The following SLC13A1 variants were observed in gnomAD, a reference collection of about 807,000 sequenced individuals.
SLC13A1 encodes Na(+)/sulfate cotransporter.
Under a neutral mutation model 70.0 loss-of-function variants are expected in SLC13A1, and 65 were observed. That is an observed-to-expected ratio of 0.93 (90% CI 0.76 to 1.14). The LOEUF is 1.14. SLC13A1 is among the 50% of genes most tolerant of loss of function. The pLI, the probability that SLC13A1 is intolerant of heterozygous loss-of-function variation, is 0.00. For missense variants in SLC13A1, 726 were observed against 717.8 expected (o/e 1.01, Z -0.13); for synonymous variants, 275 against 250.5 (o/e 1.10, Z -0.92).
At chr7:123,170,621 T>TC (rs1419849031) in intron 3 of SLC13A1, among the ~76,000 whole-genome samples, 2 of 127,628 alleles carry the variant, frequency 1.6e-5, no homozygotes, top group Admixed American at 7.3e-5. Flanking sequence ...GTTTTGGTTT[T>TC]TTTTGTTTGT....
intron 1 of SLC13A1, among the ~76,000 whole-genome samples, chr7:123,189,294 T>C (rs1031830477): frequency 3.9e-5 from 6 of 152,064 alleles, no homozygotes; most frequent in South Asian, 2.1e-4. Context: ...AGCTCATTTT[T>C]GCCTAGTAAT....
intron 6 of SLC13A1, among the ~76,000 whole-genome samples, chr7:123,165,183 C>G (rs1006902690): frequency 6.6e-6 from 1 of 151,760 alleles, no homozygotes. Context: ...TGTTAAAAAT[C>G]AAAACATATC....
chr7:123,128,320 G>A (rs1003837204), intron 10 of SLC13A1, among the ~76,000 whole-genome samples: 5 of 152,076 alleles, frequency 3.3e-5, no homozygotes, highest in African/African-American at 1.2e-4. Context: ...ATTATTAAGA[G>A]GCATTGAGTG....
intron 2 of SLC13A1, among the ~76,000 whole-genome samples, chr7:123,178,977 C>T (rs1167855119): frequency 6.6e-6 from 1 of 151,866 alleles, no homozygotes; most frequent in Non-Finnish European, 1.5e-5. Flanking sequence ...ATGAAATTTA[C>T]ATTTATTAAC....
intron 14 of SLC13A1, 140 bp downstream of exon 14, chr7:123,117,331 A>C: frequency 1.3e-6 from 1 of 769,740 alleles, no homozygotes; most frequent in Non-Finnish European, 2.1e-6. Flanking sequence ...GTGATTAGTC[A>C]TGCACACTGC....
rs771232478 is a variant in SLC13A1, at chr7:123,169,202, C to T, written c.499G>A (p.Ala167Thr). The stretch of plus-strand genomic sequence containing the variant: ...CCGTTGAAGTAAGTCATCTGAGTGG[C>T]CTCGACCTCTGCTTCTGCATTGATG... ...QIINAEAEVE[A>T]TQMTYFNGST... The change falls in exon 4 of 15, where the codon GCC (alanine) becomes ACC (threonine). Residue 167 changes from alanine (A) to threonine (T), a missense_variant. Ala to Thr is a moderately conservative substitution (Grantham distance 58). Coordinates refer to ENST00000194130, the MANE Select transcript of SLC13A1 (RefSeq NM_022444.4). The T allele has an allele frequency of 7.4e-6, 12 of 1,614,062 alleles. No individual in the cohort carries two copies. Among genetic ancestry groups the T allele is most frequent in the Non-Finnish European group, 1.0e-5 (12 of 1,179,992 alleles).
rs1793763043 is a variant in SLC13A1, at chr7:123,131,602, G to C, written c.933-2121C>G. ...ATCATTTATAATGGGTGAGTTAACTGTGTTAATACCCAACATACTAATCAG... is the reference window on the plus strand; with the variant it reads ...ATCATTTATAATGGGTGAGTTAACTCTGTTAATACCCAACATACTAATCAG... On this transcript the variant is annotated intron_variant, in intron 8 of 14. Coordinates refer to ENST00000194130, the MANE Select transcript of SLC13A1 (RefSeq NM_022444.4). Among the ~76,000 whole-genome samples, 5 of 152,182 alleles carry C rather than the reference G, an allele frequency of 3.3e-5. No homozygotes were observed. The South Asian group carries it at 1.0e-3, about 32-fold the overall frequency.
At chr7:123,156,120 G>T (rs995736628) in intron 6 of SLC13A1, among the ~76,000 whole-genome samples, 2 of 152,036 alleles carry the variant, frequency 1.3e-5, no homozygotes, top group African/African-American at 2.4e-5. Context: ...AAATTGAATT[G>T]TTTATTGGCT....
At chr7:123,135,484 TA>T (rs543953822) in intron 7 of SLC13A1, among the ~76,000 whole-genome samples, 1 of 152,202 alleles carries the variant, frequency 6.6e-6, no homozygotes, top group South Asian at 2.1e-4. Flanking sequence ...ACAGAAGTAA[TA>T]AAAACATCAT....
At position 123,168,494 on chromosome 7, in the gene SLC13A1, T is replaced by C. The variant is rs749580898; in HGVS notation, c.611+10A>G. 6.8e-6 allele frequency: 11 copies of C among 1,606,828 alleles called. No homozygotes were observed. The highest frequency in any genetic ancestry group is 5.0e-5 in the Admixed American group (3 of 59,858). ...GGAAAAATCCCAATCAAAATGTCAG[T>C]ATTCCTTACCCTGGAACTGGTTTTG... On this transcript the variant is annotated intron_variant, in intron 5 of 14. Transcript: ENST00000194130.
At position 123,135,252 on chromosome 7, in the gene SLC13A1, TAACTC is replaced by T. The variant is rs1421355950; in HGVS notation, c.813-728_813-724del. On this transcript the variant is annotated intron_variant, in intron 7 of 14. Transcript: ENST00000194130. ...ATTTTCAACTTTTAAACTCACATAA[TAACTC>T]AACAACAACAACAACATAAGATCAG... Among the ~76,000 whole-genome samples the T allele has an allele frequency of 3.9e-5, 6 of 152,196 alleles. No homozygotes were observed. The South Asian group carries it at 6.2e-4, about 16-fold the overall frequency.
chr7:123,172,041 T>C, intron 2 of SLC13A1, 137 bp from the exon 3 acceptor site: 2 of 752,058 alleles, frequency 2.7e-6, no homozygotes, highest in East Asian at 2.7e-5. Flanking sequence ...AAAATGTAGA[T>C]GTGTTTGAAT....
intron 6 of SLC13A1, 142 bp downstream of exon 6, chr7:123,168,232 A>G (rs1795136375): frequency 1.7e-6 from 1 of 581,584 alleles, no homozygotes; most frequent in Admixed American, 3.3e-5. Flanking sequence ...TTATCAAACC[A>G]TTACACCATG....
rs1160860491 is a variant in SLC13A1 at position 123,194,371 on chromosome 7, G to T, written c.99+5477C>A. Among the ~76,000 whole-genome samples the T allele has an allele frequency of 2.0e-5, 3 of 152,072 alleles. No homozygotes were observed. The East Asian group carries it at 5.8e-4, about 29-fold the overall frequency. On this transcript the variant is annotated intron_variant, in intron 1 of 14. Transcript: ENST00000194130. ...CAAATAGTGAAGTATTGTTAAAGAG[G>T]AAAATGCAAATGTGGGAGATAGATA... is the stretch of plus-strand genomic sequence containing the variant.
chr7:123,146,216 A>G (rs1206150691), intron 7 of SLC13A1, among the ~76,000 whole-genome samples: 1 of 152,110 alleles, frequency 6.6e-6, no homozygotes, highest in African/African-American at 2.4e-5. Context: ...AGAATCATGG[A>G]CCTTTTTGTT....
intron 1 of SLC13A1, among the ~76,000 whole-genome samples, chr7:123,190,111 C>G (rs1795947635): frequency 6.6e-6 from 1 of 152,096 alleles, no homozygotes; most frequent in South Asian, 2.1e-4. Context: ...TCCTAGTATT[C>G]TTTCTCAGTT....
Position 123,171,920 on chromosome 7 carries a change from A to G in SLC13A1, c.229-16T>C. 1.9e-6 allele frequency: 3 copies of G among 1,607,712 alleles called. No individual in the cohort carries two copies. The highest frequency in any genetic ancestry group is 2.5e-6 in the Non-Finnish European group (3 of 1,176,596). On this transcript the variant is annotated splice_polypyrimidine_tract_variant and intron_variant, in intron 2 of 14. Coordinates refer to ENST00000194130, the MANE Select transcript of SLC13A1 (RefSeq NM_022444.4). Reference sequence around the variant, plus strand: ...CAGATGCCACCTGAAATAACAATTAAACCCGTGATTATTTACTTTGGTGGG... The same window carrying G: ...CAGATGCCACCTGAAATAACAATTAGACCCGTGATTATTTACTTTGGTGGG...
At chr7:123,174,617 C>T (rs1405160632) in intron 2 of SLC13A1, among the ~76,000 whole-genome samples, 1 of 152,110 alleles carries the variant, frequency 6.6e-6, no homozygotes, top group Non-Finnish European at 1.5e-5. Flanking sequence ...ATACCATTGT[C>T]ATAGCCCCTT....
chr7:123,161,648 G>C (rs1357189876), intron 6 of SLC13A1, among the ~76,000 whole-genome samples: 1 of 152,150 alleles, frequency 6.6e-6, no homozygotes. Flanking sequence ...AGAGTCAGGG[G>C]CATGGTGATG....
Sources: allele counts gnomAD v4.1 joint callset (sites outside exome capture counted in the v4.1 genomes callset), GRCh38; gene constraint gnomAD v4.1.1; transcripts MANE v1.5; gene names NCBI Gene and HGNC (gene_info 2026-07-23, HGNC 2026-07-21).